NWD2: variants seen among roughly 807,000 people sequenced by gnomAD.
NWD2 encodes NACHT and WD repeat domain-containing protein 2.
In NWD2, 37 loss-of-function variants were observed where a neutral mutation model predicts 132.7. The observed-to-expected ratio is 0.28, with a 90% CI of 0.21 to 0.37. The LOEUF (loss-of-function observed/expected upper bound fraction) is 0.37. Ranked by LOEUF, NWD2 falls within the 10% of genes least tolerant of loss-of-function variation. The pLI, the probability that NWD2 is intolerant of heterozygous loss-of-function variation, is 1.00. For missense variants in NWD2, 1,592 were observed against 2,122.4 expected (o/e 0.75, Z 4.91); for synonymous variants, 705 against 803.0 (o/e 0.88, Z 2.06).
At chr4:37,419,038 G>T (rs953165397) in intron 3 of NWD2, among the ~76,000 whole-genome samples, 2 of 152,004 alleles carry the variant, frequency 1.3e-5, no homozygotes, top group African/African-American at 4.8e-5. Context: ...CATGGTACTT[G>T]TACCAAAACA....
intron 3 of NWD2, among the ~76,000 whole-genome samples, chr4:37,426,501 G>A (rs565842090): frequency 2.6e-4 from 39 of 152,184 alleles, no homozygotes; most frequent in African/African-American, 8.9e-4. Context: ...TTACTATATC[G>A]ATTAAATAAT....
intron 3 of NWD2, among the ~76,000 whole-genome samples, chr4:37,417,341 G>C (rs1005547969): frequency 1.3e-5 from 2 of 149,224 alleles, no homozygotes; most frequent in African/African-American, 5.1e-5. Flanking sequence ...TACTGACATA[G>C]AGCCATTGCA....
intron 1 of NWD2, among the ~76,000 whole-genome samples, chr4:37,262,305 G>C (rs1190435730): frequency 6.6e-6 from 1 of 152,172 alleles, no homozygotes; most frequent in Non-Finnish European, 1.5e-5. Context: ...TTTAGAAAAT[G>C]ATTCTAAGAG....
At chr4:37,333,696 A>G (rs1358722687) in intron 2 of NWD2, among the ~76,000 whole-genome samples, 4 of 152,166 alleles carry the variant, frequency 2.6e-5, no homozygotes, top group African/African-American at 7.2e-5. Context: ...AAGACCATCC[A>G]GGAAAACATG....
intron 1 of NWD2, among the ~76,000 whole-genome samples, chr4:37,305,345 A>G (rs1220462159): frequency 2.0e-5 from 3 of 152,198 alleles, no homozygotes; most frequent in Non-Finnish European, 4.4e-5. Context: ...TGCTATTAAC[A>G]TTCAGCTCCT....
chr4:37,394,514 T>C (rs1046451740), intron 3 of NWD2, among the ~76,000 whole-genome samples: 4 of 152,200 alleles, frequency 2.6e-5, no homozygotes, highest in African/African-American at 7.2e-5. Context: ...AAAATCATGA[T>C]AATAAAGTGA....
At chr4:37,275,109 G>T (rs551027558) in intron 1 of NWD2, among the ~76,000 whole-genome samples, 4 of 152,132 alleles carry the variant, frequency 2.6e-5, no homozygotes, top group Non-Finnish European at 4.4e-5. Flanking sequence ...GAAATAAAGG[G>T]TATTCAATTA....
chr4:37,361,462 A>C, intron 3 of NWD2, among the ~76,000 whole-genome samples: 1 of 152,166 alleles, frequency 6.6e-6, no homozygotes, highest in Admixed American at 6.6e-5. Context: ...ACCAGATCCA[A>C]CAGCGCATCA....
Position 37,444,675 on chromosome 4 carries a change from T to C in NWD2, c.2687T>C (p.Leu896Pro). 1 of 1,552,220 alleles carries C rather than the reference T, an allele frequency of 6.4e-7. No homozygotes were observed. Residue 896 changes from leucine (L) to proline (P), a missense_variant, in exon 7 of 7, where the codon CTC becomes CCC. Around this residue, in one of 7 missense-constraint regions of NWD2, gnomAD observed 1,071 missense variants for 1,398.0 expected, o/e 0.77. Coordinates refer to ENST00000309447, the MANE Select transcript of NWD2 (RefSeq NM_001144990.2). The surrounding 1 kb of genome is among the most constrained non-coding windows in gnomAD (Gnocchi z 4.8). Reference protein sequence around the residue: ...EKELKFLANTLRSIKNKVTAF... With the variant: ...EKELKFLANTPRSIKNKVTAF... ...GAGCTGAAGTTCCTGGCCAACACCC[T>C]CCGCAGCATCAAAAACAAGGTCACT... is the stretch of plus-strand genomic sequence containing the variant.
chr4:37,300,444 G>A (rs568407948), intron 1 of NWD2, among the ~76,000 whole-genome samples: 1 of 152,082 alleles, frequency 6.6e-6, no homozygotes, highest in Non-Finnish European at 1.5e-5. Context: ...TAGATCATAC[G>A]GGGTTTTCTT....
intron 1 of NWD2, among the ~76,000 whole-genome samples, chr4:37,295,103 T>A (rs548417035): frequency 1.3e-5 from 2 of 152,164 alleles, no homozygotes; most frequent in Admixed American, 1.3e-4. Flanking sequence ...CTTGTGGAGA[T>A]AATTGACCTT....
At chr4:37,394,632 A>G (rs1417591378) in intron 3 of NWD2, among the ~76,000 whole-genome samples, 1 of 152,012 alleles carries the variant, frequency 6.6e-6, no homozygotes, top group Non-Finnish European at 1.5e-5. Context: ...TTTTTTATTT[A>G]TCTTACCTGA....
At chr4:37,267,025 A>T (rs1193613490) in intron 1 of NWD2, among the ~76,000 whole-genome samples, 1 of 152,010 alleles carries the variant, frequency 6.6e-6, no homozygotes, top group Non-Finnish European at 1.5e-5. Flanking sequence ...GATTTGAAAG[A>T]TGAGTCGAAT....
chr4:37,361,397 G>A (rs1349820537), intron 3 of NWD2, among the ~76,000 whole-genome samples: 2 of 151,946 alleles, frequency 1.3e-5, no homozygotes, highest in East Asian at 3.9e-4. Flanking sequence ...GAAAACTACA[G>A]GCAAATATTC....
chr4:37,285,265 T>C (rs530308835), intron 1 of NWD2, among the ~76,000 whole-genome samples: 1 of 152,312 alleles, frequency 6.6e-6, no homozygotes, highest in South Asian at 2.1e-4. Flanking sequence ...TTTCATTTTT[T>C]TCCTAAATTA....
chr4:37,347,113 G>C lies in NWD2; in HGVS notation c.241-9253G>C, dbSNP rs373432938. On this transcript the variant is annotated intron_variant, in intron 2 of 6. Coordinates refer to ENST00000309447, the MANE Select transcript of NWD2 (RefSeq NM_001144990.2). Reference sequence around the variant, plus strand: ...GGAGTATATTGGTTTCCACAAATTTGTAAATTTCCTAAATTTTTTTGTATG... The same window carrying C: ...GGAGTATATTGGTTTCCACAAATTTCTAAATTTCCTAAATTTTTTTGTATG... Among the ~76,000 whole-genome samples, 14 of 151,862 alleles carry C rather than the reference G, an allele frequency of 9.2e-5. No individual in the cohort carries two copies. In the South Asian group the frequency reaches 2.7e-3, roughly 29 times the overall value.
intron 2 of NWD2, among the ~76,000 whole-genome samples, chr4:37,353,297 T>G (rs1422168179): frequency 6.6e-6 from 1 of 152,196 alleles, no homozygotes; most frequent in Non-Finnish European, 1.5e-5. Flanking sequence ...CATTTCAACC[T>G]TGGTGAATCT....
chr4:37,428,136 C>T (rs1267432536), intron 3 of NWD2, among the ~76,000 whole-genome samples: 4 of 152,192 alleles, frequency 2.6e-5, no homozygotes, highest in East Asian at 1.9e-4. Flanking sequence ...CATGAATTTA[C>T]GTGGACACAG....
intron 2 of NWD2, among the ~76,000 whole-genome samples, chr4:37,334,465 C>G (rs1719357987): frequency 6.6e-6 from 1 of 152,232 alleles, no homozygotes; most frequent in African/African-American, 2.4e-5. Context: ...TCAATGCTTG[C>G]TTCCTATCAG....
Sources: gnomAD v4.1 joint callset for allele counts (sites outside exome capture counted in the v4.1 genomes callset) on GRCh38, gnomAD v4.1.1 for gene constraint, gnomAD v4.1.1 regional missense constraint, Gnocchi (gnomAD v3.1) non-coding constraint, MANE v1.5 for transcripts, NCBI Gene and HGNC (gene_info 2026-07-23, HGNC 2026-07-21) for gene names.